Variants in PC observed in about 807,000 individuals in gnomAD.
The protein encoded by PC is pyruvate carboxylase, mitochondrial.
A neutral mutation model predicts 107.8 loss-of-function variants in PC; 46 were observed. The ratio of observed to expected loss-of-function variants is 0.43; its 90% CI spans 0.34 to 0.55. The LOEUF (loss-of-function observed/expected upper bound fraction) is 0.55. PC is among the 20% of genes least tolerant of loss of function. PC has a pLI of 0.04. For synonymous variants in PC, 662 were observed against 684.7 expected (o/e 0.97, Z 0.52); for missense variants, 1,241 against 1,643.1 (o/e 0.76, Z 4.23).
chr11:66,883,219 C>A (rs966541166), intron 3 of PC, among the ~76,000 whole-genome samples: 1 of 152,130 alleles, frequency 6.6e-6, no homozygotes, highest in Non-Finnish European at 1.5e-5. Flanking sequence ...GACTTGTGGA[C>A]TGGGGGACAA....
At chr11:66,938,731 G>A (rs1949056399) in intron 3 of PC, among the ~76,000 whole-genome samples, 2 of 152,022 alleles carry the variant, frequency 1.3e-5, no homozygotes, top group Admixed American at 1.3e-4. Context: ...TTGTGTAAAG[G>A]CATCATAGCT....
rs753005646 is a variant in PC at position 66,860,200 on chromosome 11, C to T, written c.1368+3574G>A. On this transcript the variant is annotated intron_variant, in intron 12 of 22. Transcript: ENST00000393960. ...CTGGAAGAGAGTGTGGTGTGATGGACGGGCAGCTTCCTGTGTGCTCCAAGG... is the reference window on the plus strand; with the variant it reads ...CTGGAAGAGAGTGTGGTGTGATGGATGGGCAGCTTCCTGTGTGCTCCAAGG... The T allele has an allele frequency of 3.5e-5, 54 of 1,543,126 alleles. No individual in the cohort carries two copies. The East Asian group carries it at 8.8e-4, about 25-fold the overall frequency.
chr11:66,941,296 AG>A (rs1250976113), intron 3 of PC, among the ~76,000 whole-genome samples: 29 of 152,250 alleles, frequency 1.9e-4, no homozygotes, highest in African/African-American at 6.7e-4. Context: ...CAGGCTCTTG[AG>A]AAATTAAAAA....
In PC at chr11:66,853,399, G is replaced by A. The variant is rs200004673; in HGVS notation, c.1369-16C>T. On this transcript the variant is annotated splice_polypyrimidine_tract_variant and intron_variant, in intron 12 of 22. Coordinates refer to ENST00000393960, the MANE Select transcript of PC (RefSeq NM_001040716.2). ...CGATGTTGGTCTGCAGGACAGAGGC[G>A]GGTGGGAGGGGGTCACCATGCAGCA... 1.5e-5 allele frequency: 25 copies of A among 1,613,362 alleles called. 1 individual carries two copies. The highest frequency in any genetic ancestry group is 2.7e-5 in the African/African-American group (2 of 74,900).
At position 66,848,764 on chromosome 11, in the gene PC, C is replaced by G; in HGVS notation, c.*135G>C. The stretch of plus-strand genomic sequence containing the variant: ...GAATGAACCACCGCAGGCGGTGTCT[C>G]TCCTGTCCAGCTGTGGACAGGACCT... On this transcript the variant is annotated 3_prime_UTR_variant, in exon 23 of 23. Transcript: ENST00000393960. 1 of 1,079,568 alleles carries G rather than the reference C, an allele frequency of 9.3e-7. No homozygotes were observed. The highest frequency in any genetic ancestry group is 1.4e-6 in the Non-Finnish European group (1 of 717,938). The allele number at this position is 1,079,568 out of a possible 1,614,324, so 66.9% of individuals were successfully genotyped here.
rs776439984 is a variant in PC, at chr11:66,858,253, C to T, written c.1369-4870G>A. 28 of 1,612,318 alleles carry T rather than the reference C, an allele frequency of 1.7e-5. No homozygotes were observed. In the East Asian group the frequency reaches 5.3e-4, roughly 31 times the overall value. On this transcript the variant is annotated intron_variant, in intron 12 of 22. Transcript: ENST00000393960. The surrounding 1 kb of genome is among the most constrained non-coding windows in gnomAD (Gnocchi z 5.9). ...TGGGCCGGCATCGGCGCCATGCCTG[C>T]CCTGCACACCCTCAACCTGGACCAT...
At position 66,850,093 on chromosome 11, in the gene PC, C is replaced by A. The variant is rs1187166492; in HGVS notation, c.2742G>T (p.Val914=). The A allele has an allele frequency of 3.1e-6, 5 of 1,613,640 alleles. No homozygotes were observed. The highest frequency in any genetic ancestry group is 4.2e-6 in the Non-Finnish European group (5 of 1,180,052). The change falls in exon 20 of 23, where the codon GTG becomes GTT. Residue 914 remains valine (V), a synonymous_variant. Coordinates refer to ENST00000393960, the MANE Select transcript of PC (RefSeq NM_001040716.2). Reference sequence around the variant, plus strand: ...GCACCATAAACTGGGCCAGGTCCCCCACGATCTTGGAGGAGGGCGTCACCT... The same window carrying A: ...GCACCATAAACTGGGCCAGGTCCCCAACGATCTTGGAGGAGGGCGTCACCT... ...LIKVTPSSKI[V]GDLAQFMVQN... is the part of the protein sequence containing the mutation.
chr11:66,931,966 A>G (rs1364795921), intron 3 of PC, among the ~76,000 whole-genome samples: 1 of 151,158 alleles, frequency 6.6e-6, no homozygotes, highest in Non-Finnish European at 1.5e-5. Flanking sequence ...TTGCAGTGAG[A>G]CAAGATCACG....
rs1946054046 is a variant in PC, at chr11:66,858,878, T to G, written c.1368+4896A>C. On this transcript the variant is annotated intron_variant, in intron 12 of 22. Transcript: ENST00000393960. This position sits in a 1 kb window ranked among gnomAD's most constrained non-coding sequence, Gnocchi z 5.9. ...CCTTGCCCCATGGTGGGAACAGCAG[T>G]GCCGAGGGGGGCCGCCCCGGGCCCT... 4 of 1,552,572 alleles carry G rather than the reference T, an allele frequency of 2.6e-6. No individual in the cohort carries two copies. In the East Asian group the frequency reaches 9.5e-5, roughly 37 times the overall value.
At chr11:66,873,877 C>G (rs574044559) in intron 3 of PC, among the ~76,000 whole-genome samples, 1 of 152,098 alleles carries the variant, frequency 6.6e-6, no homozygotes, top group Admixed American at 6.5e-5. Flanking sequence ...AGGCAATTCT[C>G]CTGCCTCAGC....
At chr11:66,851,424 C>CG in intron 16 of PC, 144 bp from the exon 17 acceptor site, 15 of 1,241,904 alleles carry the variant, frequency 1.2e-5, no homozygotes, top group Non-Finnish European at 1.5e-5. Flanking sequence ...CATCCACAGG[C>CG]GGGGGGTGGC....
At chr11:66,873,257 T>C (rs1326804199) in intron 3 of PC, among the ~76,000 whole-genome samples, 2 of 144,812 alleles carry the variant, frequency 1.4e-5, no homozygotes, top group African/African-American at 5.2e-5. Context: ...TGAGAATCAC[T>C]TGAGCCTGGG....
intron 3 of PC, among the ~76,000 whole-genome samples, chr11:66,936,099 T>C (rs1413866668): frequency 1.7e-5 from 2 of 118,220 alleles, no homozygotes; most frequent in African/African-American, 3.2e-5. Context: ...AAAAAAAAAA[T>C]CAGCTGGGTG....
At chr11:66,876,490 G>A (rs1481968271) in intron 3 of PC, among the ~76,000 whole-genome samples, 1 of 152,270 alleles carries the variant, frequency 6.6e-6, no homozygotes, top group Non-Finnish European at 1.5e-5. Flanking sequence ...TGCCGCTGGA[G>A]GAGATAACCT....
Position 66,868,974 on chromosome 11 carries a change from C to T in PC, c.904-10G>A, listed in dbSNP as rs377642026. On this transcript the variant is annotated splice_polypyrimidine_tract_variant and intron_variant, in intron 9 of 22. Transcript: ENST00000393960. ...CGTTCTCGTAGCCCACCTGTGGGGG[C>T]GGCCACGTGAGCAGGGGAGGGCACA... 17 of 1,606,296 alleles carry T rather than the reference C, an allele frequency of 1.1e-5. No individual in the cohort carries two copies. Among genetic ancestry groups the T allele is most frequent in the Admixed American group, 5.0e-5 (3 of 59,998 alleles).
In PC at chr11:66,849,498, A is replaced by G. The variant is rs191140273; in HGVS notation, c.3147+113T>C. On this transcript the variant is annotated intron_variant, in intron 21 of 22. Coordinates refer to ENST00000393960, the MANE Select transcript of PC (RefSeq NM_001040716.2). ...TCCTAAAGGCCTAGCTCCCGGTCTC[A>G]AGGGTCCTTTCTGCTCCCAAAGCTT... 1.6e-4 allele frequency: 256 copies of G among 1,605,966 alleles called. 1 individual carries two copies. The Admixed American group carries it at 3.1e-3, about 20-fold the overall frequency.
intron 3 of PC, among the ~76,000 whole-genome samples, chr11:66,873,518 T>TATAA (rs1555028643): frequency 1.0e-3 from 2 of 1,990 alleles, no homozygotes; most frequent in African/African-American, 1.5e-3. Context: ...ATATATTATA[T>TATAA]TATATATTAT....
intron 3 of PC, among the ~76,000 whole-genome samples, chr11:66,899,255 T>C (rs80350413): frequency 0.041 from 6,169 of 152,232 alleles, 409 homozygotes; most frequent in African/African-American, 0.14. Flanking sequence ...GCTCTCAAGG[T>C]TCATCCGTGT....
intron 3 of PC, among the ~76,000 whole-genome samples, chr11:66,899,174 C>T (rs933933177): frequency 9.2e-5 from 14 of 151,832 alleles, no homozygotes; most frequent in Admixed American, 7.2e-4. Flanking sequence ...CCAGCCAATT[C>T]TGGACATTTC....
Sources: allele counts gnomAD v4.1 joint callset (sites outside exome capture counted in the v4.1 genomes callset), GRCh38; gene constraint gnomAD v4.1.1; non-coding constraint Gnocchi (gnomAD v3.1); transcripts MANE v1.5; gene names NCBI Gene and HGNC (gene_info 2026-07-23, HGNC 2026-07-21).